Variants in TLN2 observed in about 807,000 individuals in gnomAD.
TLN2 encodes the protein talin 2, also known as talin-2.
A neutral mutation model predicts 294.7 loss-of-function variants in TLN2; 118 were observed. The observed-to-expected ratio is 0.40, with a 90% confidence interval of 0.34 to 0.47. TLN2 has a LOEUF of 0.47. Among genes scored for constraint, TLN2 ranks in the 20% least tolerant of loss-of-function variants. The pLI is 0.84. For synonymous variants in TLN2, 1,431 were observed against 1,304.5 expected (o/e 1.10, Z -2.09); for missense variants, 3,083 against 3,282.2 (o/e 0.94, Z 1.48).
rs545133221 is a variant in TLN2 at position 62,674,590 on chromosome 15, C to G, written c.853-627C>G. Among the ~76,000 whole-genome samples the G allele has an allele frequency of 1.8e-4, 27 of 151,156 alleles. No homozygotes were observed. The East Asian group carries it at 3.1e-3, about 17-fold the overall frequency. ...CTCACTGCAACCTCCGTACCTCCCC[C>G]CGCCCTGTTCAAGTGATTCTTGTGC... On this transcript the variant is annotated intron_variant, in intron 10 of 58. Transcript: ENST00000636159.
At chr15:62,532,430 A>G (rs568606921) in intron 1 of TLN2, among the ~76,000 whole-genome samples, 6 of 152,132 alleles carry the variant, frequency 3.9e-5, no homozygotes, top group Non-Finnish European at 8.8e-5. Context: ...CTGAAAGTTC[A>G]TGAACTTTCA....
chr15:62,487,396 T>C lies in TLN2; in HGVS notation c.-238+96711T>C, dbSNP rs142045166. 5.0e-3 allele frequency among the ~76,000 whole-genome samples: 760 copies of C among 152,334 alleles called. 7 individuals carry two copies. The highest frequency in any genetic ancestry group is 0.018 in the African/African-American group (729 of 41,574). Reference sequence around the variant, plus strand: ...GCTCTGGATGTTTTTAGTTTGATTATTGTCAGTATTATCTTGGGTCAGTGC... The same window carrying C: ...GCTCTGGATGTTTTTAGTTTGATTACTGTCAGTATTATCTTGGGTCAGTGC... On this transcript the variant is annotated intron_variant, in intron 1 of 58. Coordinates refer to ENST00000636159, the MANE Select transcript of TLN2 (RefSeq NM_015059.3).
At chr15:62,777,171 T>G (rs530490261) in intron 43 of TLN2, among the ~76,000 whole-genome samples, 1 of 152,278 alleles carries the variant, frequency 6.6e-6, no homozygotes, top group South Asian at 2.1e-4. Context: ...TTTCCTCAAT[T>G]GTAAGATGGA....
intron 1 of TLN2, among the ~76,000 whole-genome samples, chr15:62,441,428 C>T (rs1595811036): frequency 6.6e-6 from 1 of 152,130 alleles, no homozygotes; most frequent in African/African-American, 2.4e-5. Context: ...TGTGAATCCA[C>T]CCCTGAATAC....
At position 62,521,324 on chromosome 15, in the gene TLN2, GT is replaced by G. The variant is rs200563177; in HGVS notation, c.-237-68361del. On this transcript the variant is annotated intron_variant, in intron 1 of 58. Transcript: ENST00000636159. ...GTACAGGGGAAAGCCCTGGAATAGG[GT>G]TAGGGTGTTGTTAACCAAAAAACCT... Among the ~76,000 whole-genome samples, 151 of 152,288 alleles carry G rather than the reference GT, an allele frequency of 9.9e-4. 2 individuals carry two copies. The East Asian group carries it at 0.025, about 25-fold the overall frequency.
chr15:62,467,834 C>T (rs1246172759), intron 1 of TLN2, among the ~76,000 whole-genome samples: 2 of 152,170 alleles, frequency 1.3e-5, no homozygotes, highest in East Asian at 1.9e-4. Context: ...GGTGGCCCAC[C>T]CCTTTAGTCC....
At chr15:62,682,673 A>G (rs1213370083) in intron 11 of TLN2, among the ~76,000 whole-genome samples, 4 of 152,186 alleles carry the variant, frequency 2.6e-5, no homozygotes, top group Non-Finnish European at 4.4e-5. Flanking sequence ...GGAGCTGTAA[A>G]TGTCTACATT....
At chr15:62,555,447 G>T (rs2042552710) in intron 1 of TLN2, among the ~76,000 whole-genome samples, 1 of 152,170 alleles carries the variant, frequency 6.6e-6, no homozygotes, top group Non-Finnish European at 1.5e-5. Context: ...AGATTAGATT[G>T]TGTCCCTCCT....
At chr15:62,740,547 C>A in intron 31 of TLN2, 83 bp from the exon 32 acceptor site, 1 of 1,573,794 alleles carries the variant, frequency 6.4e-7, no homozygotes, top group Non-Finnish European at 8.6e-7. Flanking sequence ...GCCTGCATGT[C>A]AGGATGCTGC....
At chr15:62,543,691 G>A (rs989755145) in intron 1 of TLN2, among the ~76,000 whole-genome samples, 1 of 149,346 alleles carries the variant, frequency 6.7e-6, no homozygotes, top group Admixed American at 6.7e-5. Context: ...GGAGGCGGAG[G>A]TTGCAGTGAG....
intron 54 of TLN2, among the ~76,000 whole-genome samples, chr15:62,824,228 G>A (rs1041477225): frequency 6.6e-6 from 1 of 152,148 alleles, no homozygotes; most frequent in East Asian, 1.9e-4. Flanking sequence ...AAGTGTTGAT[G>A]TTTCATAAGA....
chr15:62,657,157 G>GA (rs979244877), intron 8 of TLN2, among the ~76,000 whole-genome samples: 1 of 150,404 alleles, frequency 6.6e-6, no homozygotes, highest in Admixed American at 6.6e-5. Flanking sequence ...AAAAGGTGGG[G>GA]GGGGGAAGCA....
At chr15:62,572,061 C>T (rs145483627) in intron 1 of TLN2, among the ~76,000 whole-genome samples, 140 of 152,228 alleles carry the variant, frequency 9.2e-4, no homozygotes, top group Non-Finnish European at 1.7e-3. Flanking sequence ...GCAGGAACAT[C>T]GTAGATACCT....
rs570665348 is a variant in TLN2, at chr15:62,686,624, G to T, written c.958-17G>T. 59 of 1,605,120 alleles carry T rather than the reference G, an allele frequency of 3.7e-5. 1 individual carries two copies. The highest frequency in any genetic ancestry group is 4.1e-5 in the Non-Finnish European group (48 of 1,175,480). ...ATTCAGAAGAAGAGCACTGACTCTT[G>T]GTATCTCCTGTTTCAGGAGAAGATG... On this transcript the variant is annotated splice_polypyrimidine_tract_variant and intron_variant, in intron 11 of 58. Coordinates refer to ENST00000636159, the MANE Select transcript of TLN2 (RefSeq NM_015059.3).
chr15:62,554,994 GA>G lies in TLN2; in HGVS notation c.-237-34682del, dbSNP rs5813151. 9.4e-4 allele frequency among the ~76,000 whole-genome samples: 139 copies of G among 148,250 alleles called. 1 individual carries two copies. The highest frequency in any genetic ancestry group is 4.9e-3 in the South Asian group (23 of 4,676). ...GAAGTTTATAAATTCTATTTAGAAAGAAAAAAAAAAACACCCTTCTCACTGG... is the reference window on the plus strand; with the variant it reads ...GAAGTTTATAAATTCTATTTAGAAAGAAAAAAAAAACACCCTTCTCACTGG... On this transcript the variant is annotated intron_variant, in intron 1 of 58. Coordinates refer to ENST00000636159, the MANE Select transcript of TLN2 (RefSeq NM_015059.3).
intron 27 of TLN2, 96 bp from the exon 28 acceptor site, chr15:62,726,990 TC>T: frequency 7.8e-7 from 1 of 1,277,126 alleles, no homozygotes; most frequent in Admixed American, 2.1e-5. Flanking sequence ...GAGCTAGGGC[TC>T]AAAGTTTGAT....
At chr15:62,526,566 C>G (rs1268868730) in intron 1 of TLN2, among the ~76,000 whole-genome samples, 1 of 152,158 alleles carries the variant, frequency 6.6e-6, no homozygotes, top group East Asian at 1.9e-4. Context: ...TAGTTACAGT[C>G]ATCTCAGGGG....
At chr15:62,397,519 C>T (rs991843166) in intron 1 of TLN2, among the ~76,000 whole-genome samples, 3 of 152,152 alleles carry the variant, frequency 2.0e-5, no homozygotes, top group Non-Finnish European at 2.9e-5. Context: ...CCACCTTGAC[C>T]TCCCAAAGCA....
intron 1 of TLN2, among the ~76,000 whole-genome samples, chr15:62,566,683 G>A (rs1230268318): frequency 1.3e-5 from 2 of 150,594 alleles, no homozygotes; most frequent in Admixed American, 6.6e-5. Flanking sequence ...GAGCGCAGTG[G>A]CACAAGCACA....
Sources: allele counts gnomAD v4.1 joint callset (sites outside exome capture counted in the v4.1 genomes callset), GRCh38; gene constraint gnomAD v4.1.1; transcripts MANE v1.5; gene names NCBI Gene and HGNC (gene_info 2026-07-23, HGNC 2026-07-21).